The following LDLRAD4 variants were observed in gnomAD, a reference collection of about 807,000 sequenced individuals.
LDLRAD4 encodes the protein low density lipoprotein receptor class A domain containing 4.
In LDLRAD4, 5 loss-of-function variants were observed where a neutral mutation model predicts 17.0. The ratio of observed to expected loss-of-function variants is 0.29; its 90% CI spans 0.15 to 0.62. The LOEUF is 0.62. Among genes scored for constraint, LDLRAD4 ranks in the 20% least tolerant of loss-of-function variants. LDLRAD4 has a pLI of 0.84. For synonymous variants in LDLRAD4, 168 were observed against 171.8 expected, an observed-to-expected ratio of 0.98 and a Z score of 0.17; for missense variants, 340 against 424.7, an observed-to-expected ratio of 0.80 and a Z score of 1.75.
chr18:13,558,510 G>C lies in LDLRAD4; in HGVS notation c.182-62607G>C, dbSNP rs926077559. ...GCATTAAAGCAGTAATAGAGGAAGA[G>C]CTATATCTATGTAGCTGTAACCCGA... On this transcript the variant is annotated intron_variant, in intron 3 of 5. Coordinates refer to ENST00000359446, the Ensembl canonical transcript of LDLRAD4. 5.3e-5 allele frequency among the ~76,000 whole-genome samples: 8 copies of C among 152,370 alleles called. No homozygotes were observed. In the East Asian group the frequency reaches 1.5e-3, roughly 29 times the overall value.
intron 3 of LDLRAD4, among the ~76,000 whole-genome samples, chr18:13,571,119 A>ATAAACTATTATTAATTAATCAT: frequency 6.6e-6 from 1 of 152,004 alleles, no homozygotes; most frequent in African/African-American, 2.4e-5. Context: ...CACGCCTGGC[A>ATAAACTATTATTAATTAATCAT]TGCCCTTTCT....
At chr18:13,438,680 A>C (rs1315350865) in intron 3 of LDLRAD4, among the ~76,000 whole-genome samples, 1 of 152,278 alleles carries the variant, frequency 6.6e-6, no homozygotes, top group Non-Finnish European at 1.5e-5. Flanking sequence ...TCTTCATACC[A>C]ACATTACTAC....
chr18:13,609,752 C>T (rs1230679480), intron 3 of LDLRAD4, among the ~76,000 whole-genome samples: 1 of 152,126 alleles, frequency 6.6e-6, no homozygotes, highest in Non-Finnish European at 1.5e-5. Flanking sequence ...GCTGGTGGGT[C>T]GCTTGAAGTC....
At chr18:13,266,135 G>A (rs561853394) in intron 1 of LDLRAD4, among the ~76,000 whole-genome samples, 4 of 152,280 alleles carry the variant, frequency 2.6e-5, no homozygotes, top group South Asian at 2.1e-4. Flanking sequence ...TCCTTGACAC[G>A]GTTGTTCTGT....
At chr18:13,371,049 A>C (rs1006246574) in intron 1 of LDLRAD4, among the ~76,000 whole-genome samples, 1 of 151,988 alleles carries the variant, frequency 6.6e-6, no homozygotes, top group African/African-American at 2.4e-5. Flanking sequence ...TCACCGGAAA[A>C]CATTGCCAGA....
chr18:13,605,424 C>T (rs2095213380), intron 3 of LDLRAD4, among the ~76,000 whole-genome samples: 1 of 152,194 alleles, frequency 6.6e-6, no homozygotes, highest in Admixed American at 6.5e-5. Flanking sequence ...CACTGTGTTG[C>T]CCAGGCTTGT....
At chr18:13,527,571 G>A (rs951836712) in intron 3 of LDLRAD4, among the ~76,000 whole-genome samples, 4 of 152,166 alleles carry the variant, frequency 2.6e-5, no homozygotes, top group Non-Finnish European at 5.9e-5. Flanking sequence ...CCTCACCCGC[G>A]GGCTTTCTGG....
At chr18:13,519,946 G>A (rs933193495) in intron 3 of LDLRAD4, 1 of 152,120 alleles carries the variant, frequency 6.6e-6, no homozygotes, top group Admixed American at 6.5e-5. Flanking sequence ...AAGTACAAAA[G>A]CTTAAAGTTT....
At chr18:13,395,260 C>T (rs1599899145) in intron 2 of LDLRAD4, among the ~76,000 whole-genome samples, 1 of 151,098 alleles carries the variant, frequency 6.6e-6, no homozygotes, top group African/African-American at 2.4e-5. Flanking sequence ...AATGTTCTTC[C>T]CCGTCTTCTT....
chr18:13,599,869 C>T (rs2095140699), intron 3 of LDLRAD4, among the ~76,000 whole-genome samples: 1 of 152,136 alleles, frequency 6.6e-6, no homozygotes, highest in Non-Finnish European at 1.5e-5. Context: ...GTTTTTCTTA[C>T]TAATTGATTG....
intron 1 of LDLRAD4, among the ~76,000 whole-genome samples, chr18:13,230,350 C>T (rs2042010325): frequency 6.6e-6 from 1 of 152,082 alleles, no homozygotes; most frequent in South Asian, 2.1e-4. Flanking sequence ...TGAGACTTAG[C>T]AAAAGAACAG....
intron 3 of LDLRAD4, among the ~76,000 whole-genome samples, chr18:13,546,252 G>A (rs1001350778): frequency 6.6e-6 from 1 of 152,164 alleles, no homozygotes; most frequent in Admixed American, 6.5e-5. Context: ...GGGGAGTTCA[G>A]TGAAGCAGCT....
chr18:13,297,568 G>A (rs555088714), intron 1 of LDLRAD4, among the ~76,000 whole-genome samples: 35 of 152,342 alleles, frequency 2.3e-4, no homozygotes, highest in Non-Finnish European at 4.6e-4. Context: ...GCTGAGGTGG[G>A]AGGATGGCTT....
intron 2 of LDLRAD4, among the ~76,000 whole-genome samples, chr18:13,417,375 T>G (rs895539728): frequency 1.3e-5 from 2 of 152,154 alleles, no homozygotes; most frequent in Admixed American, 6.5e-5. Flanking sequence ...TTTGGTGCGG[T>G]GGTCTAAACC....
chr18:13,534,327 T>C (rs2094171520), intron 3 of LDLRAD4, among the ~76,000 whole-genome samples: 1 of 152,360 alleles, frequency 6.6e-6, no homozygotes, highest in African/African-American at 2.4e-5. Context: ...GTGTCAAATG[T>C]TATTTTCAGA....
intron 2 of LDLRAD4, among the ~76,000 whole-genome samples, chr18:13,433,050 C>G (rs1433761563): frequency 6.6e-6 from 1 of 152,140 alleles, no homozygotes; most frequent in Admixed American, 6.5e-5. Flanking sequence ...TATCTTACAC[C>G]TTGCAGGGGA....
At chr18:13,480,820 T>C (rs965130710) in intron 3 of LDLRAD4, among the ~76,000 whole-genome samples, 28 of 152,150 alleles carry the variant, frequency 1.8e-4, no homozygotes, top group African/African-American at 6.3e-4. Context: ...ATGTTAGAAA[T>C]AAGTGACCTG....
At chr18:13,476,981 A>G (rs532707842) in intron 3 of LDLRAD4, among the ~76,000 whole-genome samples, 2 of 152,264 alleles carry the variant, frequency 1.3e-5, no homozygotes, top group African/African-American at 4.8e-5. Flanking sequence ...ATCCTTTTTG[A>G]TGTCTCAAGA....
intron 3 of LDLRAD4, chr18:13,611,563 G>C: frequency 3.0e-6 from 3 of 985,412 alleles, no homozygotes; most frequent in Non-Finnish European, 3.6e-6. Flanking sequence ...TGAACAAAAT[G>C]AACCAGGAGA....
Sources: allele counts gnomAD v4.1 joint callset (sites outside exome capture counted in the v4.1 genomes callset), GRCh38; gene constraint gnomAD v4.1.1; transcripts MANE v1.5; gene names NCBI Gene and HGNC (gene_info 2026-07-23, HGNC 2026-07-21).